Variants in CNTNAP5 observed in about 807,000 individuals in gnomAD.
The protein encoded by CNTNAP5 is contactin associated protein family member 5, also known as contactin-associated protein-like 5.
Under a neutral mutation model 150.2 loss-of-function variants are expected in CNTNAP5, and 72 were observed. The observed-to-expected ratio is 0.48, with a 90% CI of 0.40 to 0.58. The LOEUF (loss-of-function observed/expected upper bound fraction) is 0.58, where lower values mean the gene tolerates loss of function less well. CNTNAP5 is among the 20% of genes least tolerant of loss of function. The pLI is 0.00. For synonymous variants in CNTNAP5, 672 were observed against 619.8 expected, an observed-to-expected ratio of 1.08 and a Z score of -1.25; for missense variants, 1,636 against 1,626.2, an observed-to-expected ratio of 1.01 and a Z score of -0.10.
intron 1 of CNTNAP5, among the ~76,000 whole-genome samples, chr2:124,113,506 ATG>A (rs138877401): frequency 0.022 from 3,138 of 142,832 alleles, 50 homozygotes; most frequent in East Asian, 0.051. Flanking sequence ...ATACATATAT[ATG>A]TGTGTGTGTG....
chr2:124,113,845 C>T (rs1462852233), intron 1 of CNTNAP5, among the ~76,000 whole-genome samples: 1 of 151,428 alleles, frequency 6.6e-6, no homozygotes, highest in African/African-American at 2.4e-5. Flanking sequence ...TTATTTTTTC[C>T]AATTGTCCAC....
At chr2:124,361,800 A>G (rs1690207474) in intron 3 of CNTNAP5, among the ~76,000 whole-genome samples, 1 of 152,234 alleles carries the variant, frequency 6.6e-6, no homozygotes, top group Non-Finnish European at 1.5e-5. Context: ...GAGCCTACAG[A>G]GGCAGGCAGG....
At position 124,305,905 on chromosome 2, in the gene CNTNAP5, C is replaced by T. The variant is rs572120532; in HGVS notation, c.381+63512C>T. Among the ~76,000 whole-genome samples the T allele has an allele frequency of 1.1e-4, 17 of 152,242 alleles. No homozygotes were observed. The South Asian group carries it at 1.7e-3, about 15-fold the overall frequency. On this transcript the variant is annotated intron_variant, in intron 3 of 23. Coordinates refer to ENST00000682447, the MANE Select transcript of CNTNAP5 (RefSeq NM_001367498.1). ...AATGGAAGAAGACAATGTTGTTTTGCCTGTGTCCCTTATGGCACATTTTAT... is the reference window on the plus strand; with the variant it reads ...AATGGAAGAAGACAATGTTGTTTTGTCTGTGTCCCTTATGGCACATTTTAT...
At chr2:124,407,310 A>T (rs951369366) in intron 3 of CNTNAP5, among the ~76,000 whole-genome samples, 1 of 152,196 alleles carries the variant, frequency 6.6e-6, no homozygotes, top group Non-Finnish European at 1.5e-5. Context: ...TTTATAGCTA[A>T]TAAATTATTT....
intron 3 of CNTNAP5, among the ~76,000 whole-genome samples, chr2:124,255,582 A>G (rs1372567819): frequency 2.2e-5 from 1 of 44,962 alleles, no homozygotes; most frequent in African/African-American, 8.2e-5. Context: ...AATAAAATAA[A>G]ATAATAATTT....
intron 12 of CNTNAP5, among the ~76,000 whole-genome samples, chr2:124,634,738 A>G (rs1202127609): frequency 2.6e-5 from 4 of 152,098 alleles, no homozygotes; most frequent in Admixed American, 2.0e-4. Context: ...TCGTGAGCTC[A>G]AGTGATTCAT....
intron 3 of CNTNAP5, among the ~76,000 whole-genome samples, chr2:124,405,630 C>T (rs2104763005): frequency 6.6e-6 from 1 of 152,332 alleles, no homozygotes; most frequent in Middle Eastern, 3.4e-3. Context: ...CTACCTACTT[C>T]ACAAGAATAC....
chr2:124,671,744 A>C (rs1327821195), intron 13 of CNTNAP5, among the ~76,000 whole-genome samples: 8 of 152,102 alleles, frequency 5.3e-5, no homozygotes, highest in African/African-American at 1.9e-4. Flanking sequence ...GGTTCAAGTG[A>C]TTCTCTTGAT....
chr2:124,581,885 A>T (rs1696422540), intron 11 of CNTNAP5, among the ~76,000 whole-genome samples: 1 of 152,192 alleles, frequency 6.6e-6, no homozygotes, highest in South Asian at 2.1e-4. Context: ...GTCATATTGC[A>T]GTGTCGATGG....
At chr2:124,911,572 CAT>C in intron 23 of CNTNAP5, 34 bp downstream of exon 23, 1 of 1,493,436 alleles carries the variant, frequency 6.7e-7, no homozygotes, top group Non-Finnish European at 9.2e-7. Context: ...TGCAAAAAGA[CAT>C]AAACGATCCT....
intron 19 of CNTNAP5, among the ~76,000 whole-genome samples, chr2:124,838,336 A>C (rs1344068406): frequency 6.6e-6 from 1 of 152,106 alleles, no homozygotes; most frequent in African/African-American, 2.4e-5. Flanking sequence ...AGAGGCCTTG[A>C]GATCTGATCC....
At chr2:124,772,522 C>T (rs781317242) in intron 16 of CNTNAP5, among the ~76,000 whole-genome samples, 5 of 152,072 alleles carry the variant, frequency 3.3e-5, no homozygotes, top group South Asian at 2.1e-4. Flanking sequence ...TCCAGGGCCT[C>T]GGCATTCATG....
chr2:124,637,939 C>T (rs1678005678), intron 12 of CNTNAP5, among the ~76,000 whole-genome samples: 1 of 152,072 alleles, frequency 6.6e-6, no homozygotes, highest in Non-Finnish European at 1.5e-5. Context: ...CCAGACTCAG[C>T]TCTTTTCCTA....
intron 11 of CNTNAP5, among the ~76,000 whole-genome samples, chr2:124,607,309 G>A (rs1439627197): frequency 6.6e-6 from 1 of 152,096 alleles, no homozygotes; most frequent in Non-Finnish European, 1.5e-5. Context: ...TTGCTTTGGT[G>A]CCCATTCTCA....
At chr2:124,534,205 G>A (rs1447641322) in intron 10 of CNTNAP5, among the ~76,000 whole-genome samples, 1 of 152,044 alleles carries the variant, frequency 6.6e-6, no homozygotes, top group Non-Finnish European at 1.5e-5. Flanking sequence ...TTACTTAATG[G>A]GTTTGTTTTG....
At chr2:124,218,216 C>A (rs1363906972) in intron 1 of CNTNAP5, among the ~76,000 whole-genome samples, 2 of 152,100 alleles carry the variant, frequency 1.3e-5, no homozygotes, top group Non-Finnish European at 2.9e-5. Flanking sequence ...TGGCGACAAC[C>A]TTGAGCAGTA....
intron 21 of CNTNAP5, among the ~76,000 whole-genome samples, chr2:124,883,802 G>A (rs1230865188): frequency 2.6e-5 from 4 of 152,082 alleles, no homozygotes; most frequent in Admixed American, 2.0e-4. Flanking sequence ...ATAAACACGT[G>A]TGGGCAACTG....
chr2:124,229,213 A>C (rs1295383993), intron 2 of CNTNAP5, among the ~76,000 whole-genome samples: 1 of 152,178 alleles, frequency 6.6e-6, no homozygotes, highest in East Asian at 1.9e-4. Context: ...TTAACCTATG[A>C]GCTCCCCCAA....
chr2:124,697,930 G>A (rs1268405401), intron 13 of CNTNAP5, among the ~76,000 whole-genome samples: 1 of 152,064 alleles, frequency 6.6e-6, no homozygotes, highest in Non-Finnish European at 1.5e-5. Flanking sequence ...TACACAATTA[G>A]GATGTAATGT....
Sources: allele counts gnomAD v4.1 joint callset (sites outside exome capture counted in the v4.1 genomes callset), GRCh38; gene constraint gnomAD v4.1.1; transcripts MANE v1.5; gene names NCBI Gene and HGNC (gene_info 2026-07-23, HGNC 2026-07-21).